Variants in RBFOX1 observed in about 807,000 individuals in gnomAD.
RBFOX1 encodes RNA binding protein fox-1 homolog 1.
RBFOX1 carries 8 observed loss-of-function variants against 57.7 expected under a neutral mutation model. The ratio of observed to expected loss-of-function variants is 0.14; its 90% confidence interval spans 0.08 to 0.25. The LOEUF is 0.25. Ranked by LOEUF, RBFOX1 falls within the 10% of genes least tolerant of loss-of-function variation. RBFOX1 has a pLI of 1.00. For synonymous variants in RBFOX1, 326 were observed against 222.4 expected (o/e 1.47, Z -4.15); for missense variants, 611 against 548.5 (o/e 1.11, Z -1.14).
At chr16:7,361,855 C>T (rs1320884930) in intron 4 of RBFOX1, among the ~76,000 whole-genome samples, 1 of 145,016 alleles carries the variant, frequency 6.9e-6, no homozygotes, top group Admixed American at 6.9e-5. Context: ...TTTTGTGTGT[C>T]TGTGTGTTAG....
At chr16:5,994,064 G>C (rs998385449) in intron 4 of RBFOX1, among the ~76,000 whole-genome samples, 3 of 152,212 alleles carry the variant, frequency 2.0e-5, no homozygotes, top group African/African-American at 7.2e-5. Flanking sequence ...AAATGATGCA[G>C]GATGGGAATG....
At chr16:7,392,009 T>G (rs2098036364) in intron 4 of RBFOX1, among the ~76,000 whole-genome samples, 1 of 152,206 alleles carries the variant, frequency 6.6e-6, no homozygotes, top group Non-Finnish European at 1.5e-5. Flanking sequence ...TTCCTTCCCC[T>G]CCTGCCTTTT....
At chr16:6,225,799 A>G (rs1016855192) in intron 1 of RBFOX1, among the ~76,000 whole-genome samples, 29 of 152,346 alleles carry the variant, frequency 1.9e-4, no homozygotes, top group Admixed American at 3.3e-4. Flanking sequence ...CTACTAGCCT[A>G]GGAGACATGA....
At chr16:6,528,009 G>A (rs9924874) in intron 2 of RBFOX1, among the ~76,000 whole-genome samples, 10,198 of 152,040 alleles carry the variant, frequency 0.067, 1,154 homozygotes, top group African/African-American at 0.23. Flanking sequence ...GTGTTGATTT[G>A]CATGGATTTC....
At chr16:5,496,981 T>A (rs763781023) in intron 2 of RBFOX1, among the ~76,000 whole-genome samples, 2 of 152,230 alleles carry the variant, frequency 1.3e-5, no homozygotes, top group Non-Finnish European at 2.9e-5. Context: ...CTGGCATAAC[T>A]TTTAGTGTTA....
At chr16:5,256,340 C>T (rs371237294) in intron 1 of RBFOX1, among the ~76,000 whole-genome samples, 14 of 152,116 alleles carry the variant, frequency 9.2e-5, no homozygotes, top group African/African-American at 3.4e-4. Flanking sequence ...GGCTGGAAGT[C>T]CACCAGATCT....
chr16:6,831,126 C>G (rs189221027), intron 3 of RBFOX1, among the ~76,000 whole-genome samples: 1 of 152,286 alleles, frequency 6.6e-6, no homozygotes, highest in East Asian at 1.9e-4. Flanking sequence ...CACTAAGGTT[C>G]ATTTTATTTG....
chr16:5,738,652 A>AAAAAAAAG (rs2052667386), intron 3 of RBFOX1, among the ~76,000 whole-genome samples: 1 of 151,682 alleles, frequency 6.6e-6, no homozygotes. Context: ...AAAAAAAAAA[A>AAAAAAAAG]AAAGGGAAAT....
At chr16:6,506,105 T>C (rs1017140718) in intron 2 of RBFOX1, among the ~76,000 whole-genome samples, 6 of 152,160 alleles carry the variant, frequency 3.9e-5, no homozygotes, top group Non-Finnish European at 5.9e-5. Context: ...CATGCCCTAC[T>C]AAGAAAGTGG....
At chr16:6,848,457 C>A (rs1453927567) in intron 3 of RBFOX1, among the ~76,000 whole-genome samples, 1 of 152,112 alleles carries the variant, frequency 6.6e-6, no homozygotes, top group East Asian at 1.9e-4. Context: ...CCAGCAGGCA[C>A]CCGATTGCCA....
At chr16:6,334,545 C>T (rs944992246) in intron 2 of RBFOX1, among the ~76,000 whole-genome samples, 1 of 150,368 alleles carries the variant, frequency 6.7e-6, no homozygotes, top group East Asian at 2.0e-4. Context: ...ATGCTAGAAT[C>T]GTCATTATAT....
chr16:5,390,582 C>A (rs1204278263), intron 1 of RBFOX1, among the ~76,000 whole-genome samples: 1 of 152,142 alleles, frequency 6.6e-6, no homozygotes, highest in African/African-American at 2.4e-5. Flanking sequence ...AGCCACCACG[C>A]CTGGCCTCAT....
chr16:5,690,368 A>G (rs1042048743), intron 3 of RBFOX1, among the ~76,000 whole-genome samples: 2 of 152,194 alleles, frequency 1.3e-5, no homozygotes, highest in African/African-American at 4.8e-5. Context: ...CTTGAGAAGG[A>G]TTTGGGCCAC....
rs369763815 is a variant in RBFOX1, at chr16:5,505,293, C to G, written c.258+38039C>G. 6.6e-5 allele frequency among the ~76,000 whole-genome samples: 10 copies of G among 152,312 alleles called. No homozygotes were observed. In the East Asian group the frequency reaches 1.5e-3, roughly 24 times the overall value. On this transcript the variant is annotated intron_variant, in intron 2 of 2. Transcript: ENST00000585867. ...TGGGATAACCCTGAACTGTAGGTGG[C>G]AGAAACCATTGAACCAAAGCCTGCA...
intron 2 of RBFOX1, among the ~76,000 whole-genome samples, chr16:6,391,587 T>C (rs1179092746): frequency 6.6e-6 from 1 of 151,126 alleles, no homozygotes; most frequent in Non-Finnish European, 1.5e-5. Flanking sequence ...TGTAAGCAAA[T>C]GGGTTGCAGG....
chr16:5,732,350 A>G (rs1297042561), intron 3 of RBFOX1, among the ~76,000 whole-genome samples: 5 of 152,222 alleles, frequency 3.3e-5, no homozygotes, highest in South Asian at 2.1e-4. Flanking sequence ...GTAACCAACA[A>G]TGACTGCCGG....
intron 2 of RBFOX1, among the ~76,000 whole-genome samples, chr16:6,620,550 C>G (rs1055383087): frequency 4.6e-5 from 7 of 151,948 alleles, no homozygotes; most frequent in Admixed American, 2.6e-4. Context: ...ATCAATGAAT[C>G]CGGGAGCTAT....
chr16:5,895,392 A>G (rs2058140591), intron 4 of RBFOX1, among the ~76,000 whole-genome samples: 1 of 152,206 alleles, frequency 6.6e-6, no homozygotes, highest in South Asian at 2.1e-4. Context: ...TTCTGGAAGT[A>G]GGAGCTGGAT....
intron 3 of RBFOX1, among the ~76,000 whole-genome samples, chr16:7,049,676 G>C (rs1360201990): frequency 6.6e-6 from 1 of 151,908 alleles, no homozygotes; most frequent in Middle Eastern, 3.2e-3. Flanking sequence ...TTTAAATTTT[G>C]GTCGTTTTGT....
Sources: gnomAD v4.1 joint callset for allele counts (sites outside exome capture counted in the v4.1 genomes callset) on GRCh38, gnomAD v4.1.1 for gene constraint, MANE v1.5 for transcripts, NCBI Gene and HGNC (gene_info 2026-07-23, HGNC 2026-07-21) for gene names.